TTC39C: variants seen among roughly 807,000 people sequenced by gnomAD.
TTC39C encodes the protein tetratricopeptide repeat domain 39C.
A neutral mutation model predicts 76.3 loss-of-function variants in TTC39C; 33 were observed. The observed-to-expected ratio is 0.43, with a 90% confidence interval of 0.33 to 0.58. TTC39C has a LOEUF of 0.58. Among genes scored for constraint, TTC39C ranks in the 20% least tolerant of loss-of-function variants. The probability of loss-of-function intolerance (pLI) is 0.04; values close to 1 mark genes in which losing one functional copy is unlikely to be tolerated. For missense variants in TTC39C, 595 were observed against 701.4 expected (o/e 0.85, Z 1.71); for synonymous variants, 254 against 260.6 (o/e 0.97, Z 0.24).
chr18:24,080,226 C>A (rs2084360035), intron 4 of TTC39C, among the ~76,000 whole-genome samples: 1 of 152,164 alleles, frequency 6.6e-6, no homozygotes, highest in Non-Finnish European at 1.5e-5. Context: ...TATAGTAATT[C>A]AGAAATGCAG....
At chr18:24,108,717 C>T (rs976557548) in intron 6 of TTC39C, among the ~76,000 whole-genome samples, 14 of 152,158 alleles carry the variant, frequency 9.2e-5, no homozygotes, top group African/African-American at 3.4e-4. Flanking sequence ...TGCTCCATCC[C>T]TTTATAGTAC....
chr18:24,059,139 C>T (rs1284217382), intron 1 of TTC39C, among the ~76,000 whole-genome samples: 3 of 152,130 alleles, frequency 2.0e-5, no homozygotes. Flanking sequence ...AAGTAAGCAT[C>T]TAGCTTTGTT....
chr18:24,082,872 G>C, intron 5 of TTC39C, 41 bp from the exon 6 acceptor site: 4 of 1,531,194 alleles, frequency 2.6e-6, no homozygotes, highest in Non-Finnish European at 3.5e-6. Flanking sequence ...ATGGTGTAAG[G>C]AAAGTTAATG....
upstream of TTC39C, chr18:24,012,850 A>AACACACACACACACACAC (rs143178761): frequency 6.9e-6 from 1 of 145,458 alleles, no homozygotes; most frequent in African/African-American, 2.6e-5. Context: ...TGCCCATCAA[A>AACACACACACACACACAC]ACACACACAC....
chr18:24,126,004 T>C lies in TTC39C; in HGVS notation c.1420+454T>C, dbSNP rs2085046472. Among the ~76,000 whole-genome samples the C allele has an allele frequency of 2.0e-5, 3 of 152,238 alleles. No homozygotes were observed. In the South Asian group the frequency reaches 6.2e-4, roughly 32 times the overall value. ...GAGTTTGAGACCAACCTGGGCAACA[T>C]GGTGAAACCCTGTCTCTACTAAAAA... is the stretch of plus-strand genomic sequence containing the variant. On this transcript the variant is annotated intron_variant, in intron 10 of 13. Coordinates refer to ENST00000317571, the MANE Select transcript of TTC39C (RefSeq NM_001135993.2).
rs117639800 is a variant in TTC39C at position 24,082,634 on chromosome 18, G to A, written c.816-279G>A. On this transcript the variant is annotated intron_variant, in intron 5 of 13. Coordinates refer to ENST00000317571, the MANE Select transcript of TTC39C (RefSeq NM_001135993.2). ...GATTTATGTCAGCCATCTCTTCAGC[G>A]ATCCATCTAGAAGGCTCAGAAAAGC... Among the ~76,000 whole-genome samples, 1,384 of 152,230 alleles carry A rather than the reference G, an allele frequency of 9.1e-3. 3 individuals carry two copies. Among genetic ancestry groups the A allele is most frequent in the Middle Eastern group, 0.014 (4 of 294 alleles).
chr18:24,101,124 A>T (rs559280651), intron 6 of TTC39C, among the ~76,000 whole-genome samples: 1 of 152,228 alleles, frequency 6.6e-6, no homozygotes, highest in Non-Finnish European at 1.5e-5. Flanking sequence ...AATTTGTGAG[A>T]TCTCTTCCAA....
chr18:24,129,656 C>T (rs1382126291), intron 11 of TTC39C, among the ~76,000 whole-genome samples: 1 of 151,728 alleles, frequency 6.6e-6, no homozygotes, highest in Non-Finnish European at 1.5e-5. Flanking sequence ...CACCTGTAAT[C>T]CCAGCTACTC....
chr18:24,056,748 T>TG (rs1244627008), intron 1 of TTC39C, among the ~76,000 whole-genome samples: 2 of 152,176 alleles, frequency 1.3e-5, no homozygotes, highest in African/African-American at 4.8e-5. Context: ...TTATTACTGA[T>TG]GGTTCATTTT....
intron 10 of TTC39C, among the ~76,000 whole-genome samples, chr18:24,128,034 T>C (rs1188963878): frequency 6.6e-6 from 1 of 150,862 alleles, no homozygotes; most frequent in Non-Finnish European, 1.5e-5. Context: ...ACGGTCCTCC[T>C]CCCTGCTCTC....
intron 1 of TTC39C, among the ~76,000 whole-genome samples, chr18:24,031,893 C>A (rs986328414): frequency 3.9e-5 from 6 of 151,976 alleles, no homozygotes; most frequent in African/African-American, 1.4e-4. Flanking sequence ...AGTTAAGGAT[C>A]TTGAGATGGG....
intron 1 of TTC39C, among the ~76,000 whole-genome samples, chr18:24,041,435 A>G (rs1192254037): frequency 6.6e-6 from 1 of 152,216 alleles, no homozygotes; most frequent in Admixed American, 6.5e-5. Flanking sequence ...ACAAGCCAAT[A>G]GTCCAGCAGC....
intron 6 of TTC39C, among the ~76,000 whole-genome samples, chr18:24,091,980 C>T (rs904717222): frequency 1.3e-5 from 2 of 150,932 alleles, no homozygotes; most frequent in African/African-American, 2.4e-5. Flanking sequence ...GTAGTCCCAG[C>T]TACTCGGGAG....
At chr18:24,075,698 A>AC (rs1363271226) in intron 4 of TTC39C, among the ~76,000 whole-genome samples, 401 of 144,674 alleles carry the variant, frequency 2.8e-3, no homozygotes, top group Middle Eastern at 0.01. Context: ...AAAAAAAAAA[A>AC]AAAAACAAAA....
intron 1 of TTC39C, chr18:24,020,295 T>A: frequency 1.0e-6 from 1 of 994,758 alleles, no homozygotes; most frequent in Non-Finnish European, 1.2e-6. Context: ...TTCATTTGGC[T>A]TGAGATTCCT....
chr18:24,046,088 G>A (rs182723801), intron 1 of TTC39C, among the ~76,000 whole-genome samples: 202 of 151,004 alleles, frequency 1.3e-3, no homozygotes, highest in African/African-American at 3.1e-3. Context: ...ACAGGCGCCC[G>A]CCACCACACC....
intron 1 of TTC39C, among the ~76,000 whole-genome samples, chr18:24,045,927 ATTTTTT>A (rs1156578816): frequency 4.2e-3 from 108 of 25,554 alleles, no homozygotes; most frequent in Middle Eastern, 0.05. Flanking sequence ...ATATATATAT[ATTTTTT>A]TTTTTTTTTT....
intron 10 of TTC39C, among the ~76,000 whole-genome samples, chr18:24,127,561 A>G (rs998356274): frequency 6.6e-6 from 1 of 152,088 alleles, no homozygotes; most frequent in Non-Finnish European, 1.5e-5. Flanking sequence ...TCTGTCGCCC[A>G]GGCTGGAGTG....
intron 1 of TTC39C, among the ~76,000 whole-genome samples, chr18:24,047,458 A>G (rs2145704759): frequency 6.6e-6 from 1 of 152,270 alleles, no homozygotes; most frequent in East Asian, 1.9e-4. Context: ...TGGTTATACA[A>G]CCCAGTTATT....
Sources: allele counts gnomAD v4.1 joint callset (sites outside exome capture counted in the v4.1 genomes callset), GRCh38; gene constraint gnomAD v4.1.1; transcripts MANE v1.5; gene names NCBI Gene and HGNC (gene_info 2026-07-23, HGNC 2026-07-21).